DNAH3: variants seen among roughly 807,000 people sequenced by gnomAD.
DNAH3 encodes axonemal beta dynein heavy chain 3.
In DNAH3, 332 loss-of-function variants were observed where a neutral mutation model predicts 432.5. The observed-to-expected ratio is 0.77, with a 90% confidence interval of 0.70 to 0.84. The LOEUF (loss-of-function observed/expected upper bound fraction) is 0.84, where lower values mean the gene tolerates loss of function less well. Ranked by LOEUF, DNAH3 falls within the 40% of genes least tolerant of loss-of-function variation. DNAH3 has a pLI of 0.00. For missense variants in DNAH3, 4,861 were observed against 5,114.0 expected (o/e 0.95, Z 1.51); for synonymous variants, 1,956 against 1,900.2 (o/e 1.03, Z -0.76).
At chr16:20,958,831 G>A (rs193024413) in intron 54 of DNAH3, among the ~76,000 whole-genome samples, 15 of 152,198 alleles carry the variant, frequency 9.9e-5, no homozygotes, top group South Asian at 6.2e-4. Flanking sequence ...GCAGTGATAC[G>A]ATCCCTGCTC....
rs182150647 is a variant in DNAH3 at position 20,998,933 on chromosome 16, C to T, written c.6421+1291G>A. On this transcript the variant is annotated intron_variant, in intron 43 of 61. Transcript: ENST00000261383. ...AAGATGAGGAACTGAGGGTCAGGGACGTTAACTCACAATATACCTAGGGTT... is the reference window on the plus strand; with the variant it reads ...AAGATGAGGAACTGAGGGTCAGGGATGTTAACTCACAATATACCTAGGGTT... Among the ~76,000 whole-genome samples the T allele has an allele frequency of 3.9e-4, 60 of 152,144 alleles. 1 individual carries two copies. In the East Asian group the frequency reaches 0.01, roughly 25 times the overall value.
Position 20,943,796 on chromosome 16 carries a change from T to C in DNAH3, c.11511+700A>G, listed in dbSNP as rs1162959742. The stretch of plus-strand genomic sequence containing the variant: ...AGGAGTTTGAGACGATCCTGGACAA[T>C]ATGATGAAACACTGTCTCTACAGAA... On this transcript the variant is annotated intron_variant, in intron 58 of 61. Transcript: ENST00000261383. 2.0e-5 allele frequency among the ~76,000 whole-genome samples: 3 copies of C among 151,584 alleles called. No individual in the cohort carries two copies. The Admixed American group carries it at 2.0e-4, about 10-fold the overall frequency.
intron 49 of DNAH3, among the ~76,000 whole-genome samples, chr16:20,981,919 T>C (rs2085917166): frequency 6.7e-6 from 1 of 149,888 alleles, no homozygotes; most frequent in African/African-American, 2.4e-5. Flanking sequence ...TTTTTATATA[T>C]GTATGCATAT....
chr16:21,152,720 A>T (rs1028737158), intron 1 of DNAH3, among the ~76,000 whole-genome samples: 2 of 152,228 alleles, frequency 1.3e-5, no homozygotes, highest in Non-Finnish European at 2.9e-5. Context: ...GGCCCCGGGC[A>T]ATGAGGGGCT....
exon 48 of DNAH3, chr16:20,985,304 C>T: frequency 2.5e-6 from 4 of 1,614,234 alleles, no homozygotes; most frequent in Non-Finnish European, 3.4e-6. Flanking sequence ...GCCACACCGA[C>T]CTGCAGTATG....
intron 59 of DNAH3, among the ~76,000 whole-genome samples, chr16:20,939,044 T>C (rs1164081256): frequency 6.6e-6 from 1 of 151,876 alleles, no homozygotes; most frequent in African/African-American, 2.4e-5. Flanking sequence ...CAGTGCTGGG[T>C]GGAGTGAGCC....
At chr16:21,116,900 A>G (rs967559102) in intron 12 of DNAH3, among the ~76,000 whole-genome samples, 4 of 151,972 alleles carry the variant, frequency 2.6e-5, no homozygotes, top group African/African-American at 7.3e-5. Flanking sequence ...TTACTTTTAT[A>G]TAACCCAGAA....
At chr16:21,005,336 TTTCCTTCCTTCC>T (rs995464196) in intron 41 of DNAH3, among the ~76,000 whole-genome samples, 2 of 139,200 alleles carry the variant, frequency 1.4e-5, no homozygotes, top group East Asian at 2.5e-4. Flanking sequence ...TCCTTCCTTC[TTTCCTTCCTTCC>T]TTCCTCTCTT....
chr16:21,152,611 G>T (rs965848123), intron 1 of DNAH3, among the ~76,000 whole-genome samples: 1 of 152,242 alleles, frequency 6.6e-6, no homozygotes, highest in Non-Finnish European at 1.5e-5. Flanking sequence ...AGGCGCGAGC[G>T]GGAACCCGGG....
At position 21,021,957 on chromosome 16, in the gene DNAH3, T is replaced by C. The variant is rs369785788; in HGVS notation, c.5776+14A>G. On this transcript the variant is annotated intron_variant, in intron 40 of 61. Transcript: ENST00000261383. ...CACCCCCCATGTGGCTTAAGAATCA[T>C]GGCTAGCACTTACCAAGCAGAGAAG... The C allele has an allele frequency of 1.6e-5, 26 of 1,612,422 alleles. No homozygotes were observed. Among genetic ancestry groups the C allele is most frequent in the East Asian group, 4.5e-5 (2 of 44,840 alleles).
At chr16:20,963,397 A>C (rs758287303) in exon 53 of DNAH3, 2 of 1,614,138 alleles carry the variant, frequency 1.2e-6, no homozygotes, top group Non-Finnish European at 8.5e-7. Flanking sequence ...CAGCTTTCCC[A>C]TATGTTCAGC....
chr16:21,062,561 T>A, exon 25 of DNAH3: 1 of 1,614,188 alleles, frequency 6.2e-7, no homozygotes, highest in Non-Finnish European at 8.5e-7. Flanking sequence ...AATTTCCAGA[T>A]TGTCTGTAAA....
chr16:20,979,392 C>A (rs958112898), exon 50 of DNAH3: 2 of 1,614,162 alleles, frequency 1.2e-6, no homozygotes, highest in Non-Finnish European at 1.7e-6. Flanking sequence ...ATCATAGCCA[C>A]CTCTTGCCTC....
intron 44 of DNAH3, among the ~76,000 whole-genome samples, chr16:20,993,822 T>C (rs1373973762): frequency 6.6e-6 from 1 of 152,150 alleles, no homozygotes; most frequent in East Asian, 1.9e-4. Flanking sequence ...TAGCTGGGAC[T>C]ACAGGCACAT....
intron 41 of DNAH3, among the ~76,000 whole-genome samples, chr16:21,004,966 T>G (rs2087204726): frequency 1.3e-5 from 2 of 152,186 alleles, no homozygotes; most frequent in South Asian, 4.1e-4. Context: ...TTCATTTATG[T>G]TTTTTTCTGC....
chr16:21,059,419 T>C (rs2090261480), intron 26 of DNAH3, among the ~76,000 whole-genome samples: 1 of 152,282 alleles, frequency 6.6e-6, no homozygotes, highest in Middle Eastern at 3.4e-3. Context: ...CCCAGGACTT[T>C]AGTGTGAGGG....
chr16:21,056,184 T>C (rs1282305515), intron 27 of DNAH3, among the ~76,000 whole-genome samples: 1 of 152,196 alleles, frequency 6.6e-6, no homozygotes, highest in African/African-American at 2.4e-5. Flanking sequence ...CCTGCTGGAA[T>C]ACACCATGCT....
At chr16:21,027,054 T>C (rs766967301) in exon 38 of DNAH3, 54 of 1,613,492 alleles carry the variant, frequency 3.3e-5, no homozygotes, top group Non-Finnish European at 4.5e-5. Flanking sequence ...AGAGGCTTGC[T>C]CGAGGTCGGC....
intron 30 of DNAH3, 50 bp downstream of exon 30, chr16:21,049,860 G>A (rs377335126): frequency 1.0e-5 from 15 of 1,490,936 alleles, no homozygotes; most frequent in Non-Finnish European, 1.4e-5. Context: ...CACAGGAGGG[G>A]TGCAGAGAGG....
Sources: allele counts gnomAD v4.1 joint callset (sites outside exome capture counted in the v4.1 genomes callset), GRCh38; gene constraint gnomAD v4.1.1; transcripts MANE v1.5; gene names NCBI Gene and HGNC (gene_info 2026-07-23, HGNC 2026-07-21).